Variants in ITCH observed in about 807,000 individuals in gnomAD.
ITCH encodes E3 ubiquitin-protein ligase Itchy homolog.
Under a neutral mutation model 126.8 loss-of-function variants are expected in ITCH, and 28 were observed. That is an observed-to-expected ratio of 0.22 (90% CI 0.16 to 0.30). ITCH has a LOEUF of 0.30. Among genes scored for constraint, ITCH ranks in the 10% least tolerant of loss-of-function variants. The pLI, the probability that ITCH is intolerant of heterozygous loss-of-function variation, is 1.00. For missense variants in ITCH, 631 were observed against 1,032.4 expected (o/e 0.61, Z 5.33); for synonymous variants, 342 against 340.0 (o/e 1.01, Z -0.06).
At chr20:34,389,757 A>G (rs1270472396) in intron 2 of ITCH, among the ~76,000 whole-genome samples, 3 of 152,128 alleles carry the variant, frequency 2.0e-5, no homozygotes, top group Non-Finnish European at 4.4e-5. Flanking sequence ...AGTCATGACC[A>G]CTGGGGAGGT....
At chr20:34,376,510 A>G (rs545034866) in intron 2 of ITCH, among the ~76,000 whole-genome samples, 2 of 152,150 alleles carry the variant, frequency 1.3e-5, no homozygotes, top group African/African-American at 2.4e-5. Flanking sequence ...AAAGCAGTCT[A>G]GTACTGAATG....
intron 3 of ITCH, among the ~76,000 whole-genome samples, chr20:34,408,211 G>A (rs1486618298): frequency 9.9e-6 from 1 of 100,730 alleles, no homozygotes; most frequent in Non-Finnish European, 2.0e-5. Flanking sequence ...AGGTAGCTGG[G>A]ACTGGCACAC....
intron 2 of ITCH, among the ~76,000 whole-genome samples, chr20:34,372,165 C>T (rs567107777): frequency 2.0e-5 from 3 of 150,896 alleles, no homozygotes; most frequent in African/African-American, 4.9e-5. Flanking sequence ...ATTAGCTGGG[C>T]GTGGTGGCGG....
intron 1 of ITCH, among the ~76,000 whole-genome samples, chr20:34,365,825 G>C (rs888171233): frequency 6.6e-6 from 1 of 152,186 alleles, no homozygotes. Context: ...CTTACCTTCT[G>C]AGATGGATTT....
chr20:34,488,720 A>G (rs1336802840), intron 20 of ITCH, among the ~76,000 whole-genome samples: 1 of 152,038 alleles, frequency 6.6e-6, no homozygotes, highest in Admixed American at 6.6e-5. Flanking sequence ...CTCAAAAAAC[A>G]AAAACAAAAT....
chr20:34,472,070 C>T (rs1002560742), intron 16 of ITCH, among the ~76,000 whole-genome samples: 2 of 152,040 alleles, frequency 1.3e-5, no homozygotes, highest in African/African-American at 4.8e-5. Context: ...TTTCACTTGT[C>T]TTCAGAACTT....
intron 23 of ITCH, among the ~76,000 whole-genome samples, chr20:34,493,872 A>G (rs1989682703): frequency 6.6e-6 from 1 of 152,212 alleles, no homozygotes; most frequent in African/African-American, 2.4e-5. Flanking sequence ...TTAGGCAGAA[A>G]TAGAATACAG....
chr20:34,464,296 C>CTTTTTTT (rs1335251611), intron 14 of ITCH, among the ~76,000 whole-genome samples: 1 of 137,838 alleles, frequency 7.3e-6, no homozygotes, highest in Admixed American at 7.2e-5. Flanking sequence ...CCTGTTTTTT[C>CTTTTTTT]TTTTTTTTTT....
chr20:34,381,999 A>G (rs760145277), intron 2 of ITCH, among the ~76,000 whole-genome samples: 2 of 152,102 alleles, frequency 1.3e-5, no homozygotes, highest in African/African-American at 4.8e-5. Flanking sequence ...TCTTTCTTAG[A>G]TTTCCATTTG....
Position 34,445,489 on chromosome 20 carries a change from A to G in ITCH, c.1140+28A>G, listed in dbSNP as rs1984341977. 2.5e-6 allele frequency: 4 copies of G among 1,607,746 alleles called. No homozygotes were observed. The Admixed American group carries it at 5.0e-5, about 20-fold the overall frequency. The stretch of plus-strand genomic sequence containing the variant: ...GAGCAGCCTGTTGTTTAATAAACTA[A>G]TAAGAGTATTTTGTTTCTAGCCCCT... On this transcript the variant is annotated intron_variant, in intron 11 of 24. Transcript: ENST00000374864.
At position 34,393,824 on chromosome 20, in the gene ITCH, G is replaced by A. The variant is rs1194377363; in HGVS notation, c.13G>A (p.Gly5Arg). 3 of 1,613,668 alleles carry A rather than the reference G, an allele frequency of 1.9e-6. No individual in the cohort carries two copies. In the African/African-American group the frequency reaches 4.0e-5, roughly 22 times the overall value. ...ACCTATTGGTGGTATGTCTGACAGT[G>A]GATCACAACTTGGTTCAATGGGTAG... is the stretch of plus-strand genomic sequence containing the variant. MSDSGSQLGSMGSLT... is the reference protein window; with the variant it reads MSDSRSQLGSMGSLT... Residue 5 changes from glycine to arginine, a missense_variant, in exon 3 of 25, where the codon GGA becomes AGA. Coordinates refer to ENST00000374864, the MANE Select transcript of ITCH (RefSeq NM_031483.7).
intron 10 of ITCH, among the ~76,000 whole-genome samples, chr20:34,443,222 A>G (rs978756191): frequency 6.6e-6 from 1 of 151,808 alleles, no homozygotes; most frequent in Non-Finnish European, 1.5e-5. Context: ...ATTAACATTA[A>G]CATTACAGTC....
At chr20:34,506,723 A>C (rs1472058824) in intron 24 of ITCH, among the ~76,000 whole-genome samples, 1 of 152,168 alleles carries the variant, frequency 6.6e-6, no homozygotes, top group Admixed American at 6.5e-5. Flanking sequence ...GCTTTAAACA[A>C]TGACTCCCCA....
intron 2 of ITCH, among the ~76,000 whole-genome samples, chr20:34,371,824 G>A (rs1052396383): frequency 6.6e-6 from 1 of 152,082 alleles, no homozygotes; most frequent in Non-Finnish European, 1.5e-5. Flanking sequence ...CTTAAATTCT[G>A]TGATCTTGGG....
rs766431630 is a variant in ITCH at position 34,489,877 on chromosome 20, T to C, written c.2270T>C (p.Ile757Thr). The change falls in exon 22 of 25, where the codon ATC (isoleucine) becomes ACC (threonine). Residue 757 changes from isoleucine to threonine, a missense_variant. Around this residue, in one of 4 missense-constraint regions of ITCH, gnomAD observed 390 missense variants for 731.6 expected, o/e 0.53. Coordinates refer to ENST00000374864, the MANE Select transcript of ITCH (RefSeq NM_031483.7). ...TTGAATGACTGGCAAAGACATGCCA[T>C]CTACCGTCATTATGCAAGGACCAGC... ...IDLNDWQRHA[I>T]YRHYARTSKQ... 4 of 1,614,060 alleles carry C rather than the reference T, an allele frequency of 2.5e-6. No individual in the cohort carries two copies. The highest frequency in any genetic ancestry group is 2.2e-5 in the South Asian group (2 of 91,084).
chr20:34,421,181 C>G (rs1036648372), intron 6 of ITCH, among the ~76,000 whole-genome samples: 1 of 152,190 alleles, frequency 6.6e-6, no homozygotes, highest in Non-Finnish European at 1.5e-5. Flanking sequence ...CAGGAACGGT[C>G]ATAGCACACT....
At chr20:34,498,200 T>TA in intron 23 of ITCH, among the ~76,000 whole-genome samples, 1 of 152,342 alleles carries the variant, frequency 6.6e-6, no homozygotes, top group Non-Finnish European at 1.5e-5. Context: ...CAACTTTACT[T>TA]AATGTGTTTA....
rs1240470718 is a variant in ITCH, at chr20:34,396,035, A to AT, written c.70+2169dup. On this transcript the variant is annotated intron_variant, in intron 3 of 24. Transcript: ENST00000374864. ...GGAATTCCAAATTATTATTATTATT[A>AT]TTTTTTTTTTTTTTTGGAGACAGAG... Among the ~76,000 whole-genome samples, 469 of 136,728 alleles carry AT rather than the reference A, an allele frequency of 3.4e-3. 4 individuals are homozygous for AT. Among genetic ancestry groups the AT allele is most frequent in the African/African-American group, 0.01 (381 of 36,460 alleles). The allele number at this position is 136,728 out of a possible 152,430, so 89.7% of individuals were successfully genotyped here.
chr20:34,489,674 C>T (rs1989377722), intron 21 of ITCH, 148 bp from the exon 22 acceptor site: 1 of 711,434 alleles, frequency 1.4e-6, no homozygotes, highest in Non-Finnish European at 2.5e-6. Context: ...CCTTCATGAG[C>T]AATGTAGATA....
Sources: gnomAD v4.1 joint callset for allele counts (sites outside exome capture counted in the v4.1 genomes callset) on GRCh38, gnomAD v4.1.1 for gene constraint, gnomAD v4.1.1 regional missense constraint, MANE v1.5 for transcripts, NCBI Gene and HGNC (gene_info 2026-07-23, HGNC 2026-07-21) for gene names.